TMEM132C: variants seen among roughly 807,000 people sequenced by gnomAD.
TMEM132C encodes transmembrane protein 132C, also known as protein phosphatase 1, regulatory subunit 152.
A neutral mutation model predicts 61.4 loss-of-function variants in TMEM132C; 29 were observed. The ratio of observed to expected loss-of-function variants is 0.47; its 90% CI spans 0.35 to 0.64. The LOEUF (loss-of-function observed/expected upper bound fraction) is 0.64. Among genes scored for constraint, TMEM132C ranks in the 30% least tolerant of loss-of-function variants. TMEM132C has a pLI of 0.00. For missense variants in TMEM132C, 1,408 were observed against 1,476.9 expected, an observed-to-expected ratio of 0.95 and a Z score of 0.76; for synonymous variants, 656 against 633.1, an observed-to-expected ratio of 1.04 and a Z score of -0.54.
intron 1 of TMEM132C, among the ~76,000 whole-genome samples, chr12:128,320,067 A>G (rs1415470004): frequency 2.0e-5 from 3 of 152,206 alleles, no homozygotes; most frequent in African/African-American, 7.2e-5. Flanking sequence ...CTATAGTCCA[A>G]TAAGGCACAA....
At chr12:128,378,603 C>T (rs1037142884) in intron 1 of TMEM132C, among the ~76,000 whole-genome samples, 3 of 152,264 alleles carry the variant, frequency 2.0e-5, no homozygotes, top group East Asian at 1.9e-4. Flanking sequence ...TTTCTCCGCA[C>T]GTGAGCCTTG....
At chr12:128,454,653 C>T (rs553049508) in intron 2 of TMEM132C, among the ~76,000 whole-genome samples, 5 of 152,282 alleles carry the variant, frequency 3.3e-5, no homozygotes, top group Non-Finnish European at 5.9e-5. Flanking sequence ...CAGGATGGAG[C>T]GCTTATATGG....
intron 4 of TMEM132C, among the ~76,000 whole-genome samples, chr12:128,651,477 C>G (rs866816539): frequency 6.6e-6 from 1 of 152,200 alleles, no homozygotes; most frequent in Admixed American, 6.5e-5. Context: ...GCTTTTAGAA[C>G]TCAAATAGGA....
chr12:128,641,515 G>T (rs910331283), intron 4 of TMEM132C, among the ~76,000 whole-genome samples: 1 of 152,192 alleles, frequency 6.6e-6, no homozygotes, highest in African/African-American at 2.4e-5. Flanking sequence ...AACACAGAGA[G>T]CACTGTGGGA....
intron 3 of TMEM132C, among the ~76,000 whole-genome samples, chr12:128,571,161 T>A (rs1410181931): frequency 6.6e-6 from 1 of 152,198 alleles, no homozygotes; most frequent in Non-Finnish European, 1.5e-5. Context: ...GTTCTGAGGA[T>A]GGTAGAACAG....
intron 1 of TMEM132C, among the ~76,000 whole-genome samples, chr12:128,356,768 G>A (rs1207415233): frequency 2.0e-5 from 3 of 152,300 alleles, no homozygotes; most frequent in Non-Finnish European, 2.9e-5. Flanking sequence ...CCTTCTGCCC[G>A]CTCTGGAGAC....
At chr12:128,619,809 G>C (rs1006799143) in intron 4 of TMEM132C, among the ~76,000 whole-genome samples, 5 of 152,204 alleles carry the variant, frequency 3.3e-5, no homozygotes, top group African/African-American at 9.7e-5. Context: ...TGGCAGTTCA[G>C]TTCTTCTTCA....
chr12:128,530,327 C>A (rs1262398476), intron 2 of TMEM132C, among the ~76,000 whole-genome samples: 1 of 152,292 alleles, frequency 6.6e-6, no homozygotes, highest in African/African-American at 2.4e-5. Context: ...AGGAAAAAGA[C>A]CTTGATTTAT....
intron 1 of TMEM132C, among the ~76,000 whole-genome samples, chr12:128,340,813 C>T (rs1186406648): frequency 1.7e-4 from 22 of 131,902 alleles, no homozygotes; most frequent in African/African-American, 5.7e-4. Flanking sequence ...CTTTCTTTCT[C>T]TCTTTCTTTC....
rs1870764972 is a variant in TMEM132C, at chr12:128,278,509, C to A, written c.85+11022C>A. Among the ~76,000 whole-genome samples, 1 of 152,104 alleles carries A rather than the reference C, an allele frequency of 6.6e-6. No individual in the cohort carries two copies. Among genetic ancestry groups the A allele is most frequent in the African/African-American group, 2.4e-5 (1 of 41,414 alleles). On this transcript the variant is annotated intron_variant, in intron 1 of 8. Coordinates refer to ENST00000435159, the MANE Select transcript of TMEM132C (RefSeq NM_001136103.3). The surrounding 1 kb of genome is among the most constrained non-coding windows in gnomAD (Gnocchi z 4.2). The stretch of plus-strand genomic sequence containing the variant: ...GCCATGTCCTGGCCCTTGACCCCAG[C>A]CTGTCTCCCTGCGGCACCGATGCCA...
At chr12:128,685,318 C>T (rs1280236216) in intron 5 of TMEM132C, among the ~76,000 whole-genome samples, 1 of 152,178 alleles carries the variant, frequency 6.6e-6, no homozygotes, top group Non-Finnish European at 1.5e-5. Context: ...ACAACTCCAG[C>T]GTTTGGTTGT....
intron 1 of TMEM132C, among the ~76,000 whole-genome samples, chr12:128,330,385 T>C (rs1361236874): frequency 6.6e-6 from 1 of 152,142 alleles, no homozygotes; most frequent in African/African-American, 2.4e-5. Context: ...ACAAGCAACA[T>C]TTTTTAAAAG....
At chr12:128,569,167 G>T (rs1167689073) in intron 3 of TMEM132C, among the ~76,000 whole-genome samples, 1 of 152,202 alleles carries the variant, frequency 6.6e-6, no homozygotes, top group Non-Finnish European at 1.5e-5. Flanking sequence ...TAGGAAGGGT[G>T]TGAGCACAGG....
intron 4 of TMEM132C, among the ~76,000 whole-genome samples, chr12:128,631,894 T>C (rs533448109): frequency 6.6e-6 from 1 of 152,316 alleles, no homozygotes; most frequent in African/African-American, 2.4e-5. Flanking sequence ...TGTCATCCCA[T>C]TTCTGAAGCA....
intron 2 of TMEM132C, among the ~76,000 whole-genome samples, chr12:128,529,322 A>G (rs541216975): frequency 1.3e-5 from 2 of 152,258 alleles, no homozygotes; most frequent in East Asian, 1.9e-4. Context: ...TCTAACAGCT[A>G]GTTTAAAGGA....
At chr12:128,687,738 A>G (rs1411010461) in intron 5 of TMEM132C, among the ~76,000 whole-genome samples, 6 of 152,186 alleles carry the variant, frequency 3.9e-5, no homozygotes, top group African/African-American at 1.4e-4. Flanking sequence ...GCTGAAAAGG[A>G]GATATTATTT....
rs140551803 is a variant in TMEM132C at position 128,472,983 on chromosome 12, G to A, written c.974+57363G>A. On this transcript the variant is annotated intron_variant, in intron 2 of 8. Transcript: ENST00000435159. ...GTTGATTTGGGGCTTCTAGCCTCCAGGACTGTGAGACACTACAGGGTTGGT... is the reference window on the plus strand; with the variant it reads ...GTTGATTTGGGGCTTCTAGCCTCCAAGACTGTGAGACACTACAGGGTTGGT... 4.7e-4 allele frequency among the ~76,000 whole-genome samples: 72 copies of A among 152,318 alleles called. No individual in the cohort carries two copies. In the Middle Eastern group the frequency reaches 0.02, roughly 43 times the overall value.
intron 1 of TMEM132C, among the ~76,000 whole-genome samples, chr12:128,314,212 G>A (rs1872072532): frequency 6.6e-6 from 1 of 152,206 alleles, no homozygotes; most frequent in African/African-American, 2.4e-5. Flanking sequence ...TATCCCTGGA[G>A]TGAGAAAAGA....
intron 1 of TMEM132C, among the ~76,000 whole-genome samples, chr12:128,308,628 A>G (rs562751728): frequency 6.6e-6 from 1 of 152,268 alleles, no homozygotes; most frequent in South Asian, 2.1e-4. Context: ...CTTAGGCTGG[A>G]GAAGCTCTTC....
Sources: gnomAD v4.1 joint callset for allele counts (sites outside exome capture counted in the v4.1 genomes callset) on GRCh38, gnomAD v4.1.1 for gene constraint, Gnocchi (gnomAD v3.1) non-coding constraint, MANE v1.5 for transcripts, NCBI Gene and HGNC (gene_info 2026-07-23, HGNC 2026-07-21) for gene names.